SLC35D2: variants seen among roughly 807,000 people sequenced by gnomAD.
The protein encoded by SLC35D2 is nucleotide sugar transporter SLC35D2.
SLC35D2 carries 43 observed loss-of-function variants against 41.8 expected under a neutral mutation model. The observed-to-expected ratio is 1.03, with a 90% CI of 0.81 to 1.33. The LOEUF (loss-of-function observed/expected upper bound fraction) is 1.33. Among genes scored for constraint, SLC35D2 ranks in the 40% most tolerant of loss-of-function variants. The pLI is 0.00. For missense variants in SLC35D2, 380 were observed against 408.4 expected (o/e 0.93, Z 0.60); for synonymous variants, 150 against 163.9 (o/e 0.92, Z 0.65).
chr9:96,344,560 AG>A (rs372077316), intron 7 of SLC35D2, among the ~76,000 whole-genome samples: 1 of 102,526 alleles, frequency 9.8e-6, no homozygotes, highest in Non-Finnish European at 1.8e-5. Context: ...AAAAAAACAG[AG>A]CAGATAAAAA....
intron 3 of SLC35D2, among the ~76,000 whole-genome samples, chr9:96,363,629 G>A (rs1238033349): frequency 6.6e-6 from 1 of 152,134 alleles, no homozygotes; most frequent in African/African-American, 2.4e-5. Flanking sequence ...GGAAAAAACT[G>A]CGTATTTCTA....
intron 9 of SLC35D2, among the ~76,000 whole-genome samples, chr9:96,324,765 G>A (rs1828439057): frequency 6.6e-6 from 1 of 152,002 alleles, no homozygotes; most frequent in South Asian, 2.1e-4. Context: ...ATGTTGCCCA[G>A]GCTGGTCTTG....
At chr9:96,360,628 CAAAAA>C (rs906000581) in intron 3 of SLC35D2, among the ~76,000 whole-genome samples, 1 of 15,702 alleles carries the variant, frequency 6.4e-5, no homozygotes, top group Non-Finnish European at 1.3e-4. Context: ...GACTTCATCT[CAAAAA>C]AAAAAAAAAA....
In SLC35D2 at chr9:96,353,457, G is replaced by A. The variant is rs190740448; in HGVS notation, c.348-1348C>T. On this transcript the variant is annotated intron_variant, in intron 4 of 11. Transcript: ENST00000253270. Reference sequence around the variant, plus strand: ...CAATCCCCACCTCCCGGGTTCAAGCGATTCTCCTGCCTCAGCCTCTCGGGT... The same window carrying A: ...CAATCCCCACCTCCCGGGTTCAAGCAATTCTCCTGCCTCAGCCTCTCGGGT... Among the ~76,000 whole-genome samples the A allele has an allele frequency of 2.9e-4, 44 of 152,146 alleles. No homozygotes were observed. In the East Asian group the frequency reaches 6.8e-3, roughly 23 times the overall value.
intron 6 of SLC35D2, chr9:96,350,875 A>T: frequency 2.5e-6 from 1 of 406,436 alleles, no homozygotes; most frequent in African/African-American, 2.0e-5. Flanking sequence ...AAGCTATATT[A>T]ATATCTTGCA....
At chr9:96,320,380 G>A (rs1828165217), downstream of SLC35D2, among the ~76,000 whole-genome samples, 1 of 152,186 alleles carries the variant, frequency 6.6e-6, no homozygotes, top group Non-Finnish European at 1.5e-5. Context: ...GCAGGGCGTG[G>A]TGGCAGATGC....
Position 96,368,300 on chromosome 9 carries a change from G to A in SLC35D2, c.164C>T (p.Pro55Leu), listed in dbSNP as rs779243413. 17 of 1,605,294 alleles carry A rather than the reference G, an allele frequency of 1.1e-5. No individual in the cohort carries two copies. Among genetic ancestry groups the A allele is most frequent in the Admixed American group, 6.7e-5 (4 of 59,310 alleles). ...TCCAATTCCAAGGAAAATTGGTGAC[G>A]GGAAACTACAAAGGACACAGAACAA... ...NKALLTTYGF[P>L]SPIFLGIGQM... The change falls in exon 2 of 12, where the codon CCG (proline) becomes CTG (leucine). Residue 55 changes from proline (P) to leucine (L), a missense_variant. Coordinates refer to ENST00000253270, the MANE Select transcript of SLC35D2 (RefSeq NM_007001.3).
At chr9:96,364,162 A>AAAAAT (rs1195597709) in intron 3 of SLC35D2, among the ~76,000 whole-genome samples, 1 of 152,090 alleles carries the variant, frequency 6.6e-6, no homozygotes, top group East Asian at 1.9e-4. Context: ...CTAAAAATAC[A>AAAAAT]AAAACAAAAC....
At chr9:96,330,911 T>TATTC (rs60924215) in intron 9 of SLC35D2, among the ~76,000 whole-genome samples, 20,238 of 152,076 alleles carry the variant, frequency 0.13, 1,789 homozygotes, top group East Asian at 0.29. Context: ...TGATTTTATT[T>TATTC]ATTTATTTAT....
chr9:96,362,870 G>A (rs1432615093), intron 3 of SLC35D2, among the ~76,000 whole-genome samples: 2 of 139,032 alleles, frequency 1.4e-5, no homozygotes, highest in South Asian at 4.6e-4. Context: ...TCCCTGTTTT[G>A]TTTTTTTTTT....
intron 4 of SLC35D2, among the ~76,000 whole-genome samples, chr9:96,353,344 A>ATTATTTATTTAT (rs71308273): frequency 0.041 from 6,126 of 149,582 alleles, 325 homozygotes; most frequent in African/African-American, 0.12. Context: ...GCTGCAAAGG[A>ATTATTTATTTAT]TTATTTATTT....
chr9:96,347,003 GC>G, intron 6 of SLC35D2, among the ~76,000 whole-genome samples: 1 of 152,138 alleles, frequency 6.6e-6, no homozygotes, highest in Non-Finnish European at 1.5e-5. Flanking sequence ...GGGCGTGGTG[GC>G]ACATGCCTGT....
At chr9:96,322,717 G>GTT (rs57493593) in intron 10 of SLC35D2, among the ~76,000 whole-genome samples, 17,691 of 110,392 alleles carry the variant, frequency 0.16, 2,128 homozygotes, top group African/African-American at 0.27. Context: ...GTTTTCTGGG[G>GTT]TTTTTTTTTT....
At chr9:96,340,053 A>G (rs985277738) in intron 8 of SLC35D2, among the ~76,000 whole-genome samples, 16 of 152,236 alleles carry the variant, frequency 1.1e-4, no homozygotes, top group African/African-American at 3.4e-4. Context: ...AACTTGGTAA[A>G]CAAAAAGCAA....
chr9:96,359,836 G>A (rs1480923563), intron 4 of SLC35D2, among the ~76,000 whole-genome samples: 1 of 152,106 alleles, frequency 6.6e-6, no homozygotes, highest in African/African-American at 2.4e-5. Context: ...AAACTGAGAT[G>A]AAACCAAAAG....
intron 6 of SLC35D2, among the ~76,000 whole-genome samples, chr9:96,349,816 C>G (rs760719781): frequency 6.6e-6 from 1 of 152,222 alleles, no homozygotes; most frequent in African/African-American, 2.4e-5. Context: ...TGAGCCACCA[C>G]GCCCGGCCTG....
chr9:96,363,689 G>C (rs574633153), intron 3 of SLC35D2, among the ~76,000 whole-genome samples: 19 of 152,292 alleles, frequency 1.2e-4, no homozygotes, highest in African/African-American at 4.6e-4. Context: ...TGTCAGTCCA[G>C]GATAAAAATG....
rs776649714 is a variant in SLC35D2 at position 96,368,256 on chromosome 9, AT to A, written c.192+15del. 1.5e-4 allele frequency: 231 copies of A among 1,580,334 alleles called. No homozygotes were observed. The highest frequency in any genetic ancestry group is 3.3e-4 in the Admixed American group (19 of 58,114). On this transcript the variant is annotated intron_variant, in intron 2 of 11. Coordinates refer to ENST00000253270, the MANE Select transcript of SLC35D2 (RefSeq NM_007001.3). ...GATAACAAAATAAGAGGTTAATTCT[AT>A]TTTTTTTCACTCACCTGTCCAATTC...
intron 9 of SLC35D2, among the ~76,000 whole-genome samples, chr9:96,335,808 C>T (rs185700548): frequency 1.3e-5 from 2 of 152,084 alleles, no homozygotes; most frequent in Admixed American, 1.3e-4. Context: ...AATCCCAGCA[C>T]TTTGGGAGGC....
Sources: allele counts gnomAD v4.1 joint callset (sites outside exome capture counted in the v4.1 genomes callset), GRCh38; gene constraint gnomAD v4.1.1; transcripts MANE v1.5; gene names NCBI Gene and HGNC (gene_info 2026-07-23, HGNC 2026-07-21).